Variants in RIPK3 observed in about 807,000 individuals in gnomAD.
The protein encoded by RIPK3 is receptor-interacting serine/threonine-protein kinase 3.
Under a neutral mutation model 51.6 loss-of-function variants are expected in RIPK3, and 51 were observed. The ratio of observed to expected loss-of-function variants is 0.99; its 90% CI spans 0.79 to 1.25. The LOEUF (loss-of-function observed/expected upper bound fraction) is 1.25. RIPK3 is among the 50% of genes most tolerant of loss of function. RIPK3 has a pLI of 0.00. For synonymous variants in RIPK3, 246 were observed against 257.7 expected (o/e 0.95, Z 0.44); for missense variants, 654 against 650.4 (o/e 1.01, Z -0.06).
At chr14:24,337,524 A>C in intron 7 of RIPK3, 64 bp from the exon 8 acceptor site, 1 of 1,611,166 alleles carries the variant, frequency 6.2e-7, no homozygotes, top group South Asian at 1.1e-5. Context: ...CCAAGGGAGT[A>C]GTCTCTCGGT....
At position 24,337,991 on chromosome 14, in the gene RIPK3, G is replaced by T. The variant is rs1349407128; in HGVS notation, c.714C>A (p.Asn238Lys). 6.2e-7 allele frequency: 1 copy of T among 1,614,238 alleles called. No individual in the cohort carries two copies. The part of the protein sequence containing the change: ...LVYEAVCNRQ[N>K]RPSLAELPQA... The stretch of plus-strand genomic sequence containing the variant: ...GGGGCAGCTCAGCCAATGAAGGCCG[G>T]TTCTGCCTGTTGCACACTGCTTCGT... Residue 238 changes from asparagine to lysine, a missense_variant, in exon 6 of 10, where the codon AAC (asparagine) becomes AAA (lysine). By Grantham distance (94) the Asn-to-Lys change is moderately conservative. Coordinates refer to ENST00000216274, the MANE Select transcript of RIPK3 (RefSeq NM_006871.4).
At chr14:24,336,644 C>G (rs1421770492) in intron 9 of RIPK3, 1 of 664,168 alleles carries the variant, frequency 1.5e-6, no homozygotes, top group Non-Finnish European at 2.5e-6. Context: ...ACTTAGGGGG[C>G]TCACAGAGCT....
Position 24,339,535 on chromosome 14 carries a change from C to T in RIPK3, c.83G>A (p.Gly28Asp), listed in dbSNP as rs1484846736. The T allele has an allele frequency of 1.2e-6, 2 of 1,614,232 alleles. No homozygotes were observed. Among genetic ancestry groups the T allele is most frequent in the Admixed American group, 1.7e-5 (1 of 60,034 alleles). Residue 28 changes from glycine to aspartate, a missense_variant, in exon 2 of 10, where the codon GGC becomes GAC. Gly to Asp is a moderately conservative substitution (Grantham distance 94). Coordinates refer to ENST00000216274, the MANE Select transcript of RIPK3 (RefSeq NM_006871.4). The surrounding 1 kb of genome is among the most constrained non-coding windows in gnomAD (Gnocchi z 4.0). ...IEELENQELV[G>D]KGGFGTVFRA... is the part of the protein sequence containing the mutation. ...GAACACTGTGCCGAACCCGCCTTTG[C>T]CGACGAGCTCCTGGTTCTCCAGTTC...
Position 24,339,978 on chromosome 14 carries a change from G to T in RIPK3, c.-152C>A. On this transcript the variant is annotated 5_prime_UTR_variant, in exon 1 of 10. Coordinates refer to ENST00000216274, the MANE Select transcript of RIPK3 (RefSeq NM_006871.4). The surrounding 1 kb of genome is among the most constrained non-coding windows in gnomAD (Gnocchi z 4.0). ...AGACGGTGAGTCTACTTTCCGGGTT[G>T]TTACCCTTTTTCCGAGTTGACTGAA... 1.3e-6 allele frequency: 1 copy of T among 779,082 alleles called. No homozygotes were observed. The highest frequency in any genetic ancestry group is 1.9e-6 in the Non-Finnish European group (1 of 517,964). The allele number at this position is 779,082 out of a possible 1,614,324, so 48.3% of individuals were successfully genotyped here. A position where few individuals can be genotyped will look rare whatever the true frequency, so the allele number is the denominator to read the frequency against.
chr14:24,336,832 G>A (rs1204713082), intron 9 of RIPK3, 53 bp downstream of exon 9: 1 of 1,456,026 alleles, frequency 6.9e-7, no homozygotes, highest in Admixed American at 1.7e-5. Context: ...GTCTGGAGGA[G>A]GAGTCTGGTG....
In RIPK3 at chr14:24,337,456, T is replaced by A; in HGVS notation, c.905A>T (p.Lys302Met). 6.2e-7 allele frequency: 1 copy of A among 1,612,736 alleles called. No homozygotes were observed. Among genetic ancestry groups the A allele is most frequent in the South Asian group, 1.1e-5 (1 of 91,066 alleles). ...GCTCCTGAGCTGAGACAGGAAATCC[T>A]TTACCTGCAGGGATGGGAGGAGTTT... is the stretch of plus-strand genomic sequence containing the variant. ...NNMNAAVSTV[K>M]DFLSQLRSSN... is the part of the protein sequence containing the mutation. The change falls in exon 8 of 10, where the codon AAG becomes ATG. Residue 302 changes from lysine (K) to methionine (M), a missense_variant. Lys to Met is a moderately conservative substitution (Grantham distance 95). Coordinates refer to ENST00000216274, the MANE Select transcript of RIPK3 (RefSeq NM_006871.4).
In RIPK3 at chr14:24,339,915, G is replaced by T. The variant is rs377744072; in HGVS notation, c.-89C>A. On this transcript the variant is annotated 5_prime_UTR_variant, in exon 1 of 10. Transcript: ENST00000216274. The surrounding 1 kb of genome is among the most constrained non-coding windows in gnomAD (Gnocchi z 4.0). ...GGGCTTGGTCCTTTCGCAGAGAGGG[G>T]AAGGGGTCTGTCTGTGCAGGGGTCA... 7.2e-7 allele frequency: 1 copy of T among 1,383,752 alleles called. No homozygotes were observed. Among genetic ancestry groups the T allele is most frequent in the Non-Finnish European group, 9.9e-7 (1 of 1,011,840 alleles). The allele number at this position is 1,383,752 out of a possible 1,614,324, so 85.7% of individuals were successfully genotyped here.
At chr14:24,337,568 C>G (rs1355300512) in intron 7 of RIPK3, 108 bp from the exon 8 acceptor site, 2 of 1,594,070 alleles carry the variant, frequency 1.3e-6, no homozygotes, top group Non-Finnish European at 8.6e-7. Flanking sequence ...CAGGGGTGGG[C>G]TGGGGACGGT....
In RIPK3 at chr14:24,339,577, G is replaced by T. The variant is rs761718122; in HGVS notation, c.41C>A (p.Pro14His). 1 of 1,614,136 alleles carries T rather than the reference G, an allele frequency of 6.2e-7. No individual in the cohort carries two copies. Among genetic ancestry groups the T allele is most frequent in the Non-Finnish European group, 8.5e-7 (1 of 1,180,004 alleles). ...CTCCAGTTCCTCGATGGACACCAAG[G>T]GGGCGGGGGCACCGCTGGGCCTGAG... ...VKLWPSGAPA[P>H]LVSIEELENQ... The change falls in exon 2 of 10, where the codon CCC becomes CAC. Residue 14 changes from proline to histidine, a missense_variant. Coordinates refer to ENST00000216274, the MANE Select transcript of RIPK3 (RefSeq NM_006871.4). The surrounding 1 kb of genome is among the most constrained non-coding windows in gnomAD (Gnocchi z 4.0).
chr14:24,336,054 G>T lies in RIPK3; in HGVS notation c.*121C>A. On this transcript the variant is annotated 3_prime_UTR_variant, in exon 10 of 10. Coordinates refer to ENST00000216274, the MANE Select transcript of RIPK3 (RefSeq NM_006871.4). ...ATTCCATCATGTTTATTGACTCCTG[G>T]GGGACAGGTCACAAAGTCAGTTTGT... 2 of 971,858 alleles carry T rather than the reference G, an allele frequency of 2.1e-6. No individual in the cohort carries two copies. The highest frequency in any genetic ancestry group is 2.6e-5 in the East Asian group (1 of 38,770). 60.2% of individuals were successfully genotyped at this position (971,858 alleles called of 1,614,324 possible).
chr14:24,336,169 G>C lies in RIPK3; in HGVS notation c.*6C>G, dbSNP rs1566445257. ...GTAACTCTTGGAGGCAAGCTTGGAA[G>C]GTGCTTTATTTCCCGCTATGATTAT... On this transcript the variant is annotated 3_prime_UTR_variant, in exon 10 of 10. Coordinates refer to ENST00000216274, the MANE Select transcript of RIPK3 (RefSeq NM_006871.4). The C allele has an allele frequency of 6.2e-7, 1 of 1,609,194 alleles. No homozygotes were observed. Among genetic ancestry groups the C allele is most frequent in the Admixed American group, 1.7e-5 (1 of 59,758 alleles).
Position 24,339,197 on chromosome 14 carries a change from T to C in RIPK3, c.289A>G (p.Met97Val). 6.2e-7 allele frequency: 1 copy of C among 1,614,246 alleles called. No homozygotes were observed. The highest frequency in any genetic ancestry group is 1.1e-5 in the South Asian group (1 of 91,088). ...AGCCCCGACAAGGAGCCGTTCTCCA[T>C]GAATTTAGTCACCAGAGCCGGCTTG... Reference protein sequence around the residue: ...DPKPALVTKFMENGSLSGLLQ... With the variant: ...DPKPALVTKFVENGSLSGLLQ... The change falls in exon 3 of 10, where the codon ATG becomes GTG. Residue 97 changes from methionine (M) to valine (V), a missense_variant. Coordinates refer to ENST00000216274, the MANE Select transcript of RIPK3 (RefSeq NM_006871.4). This position sits in a 1 kb window ranked among gnomAD's most constrained non-coding sequence, Gnocchi z 4.0.
Position 24,339,893 on chromosome 14 carries a change from C to G in RIPK3, c.-67G>C. 2 of 1,507,686 alleles carry G rather than the reference C, an allele frequency of 1.3e-6. No individual in the cohort carries two copies. Among genetic ancestry groups the G allele is most frequent in the Non-Finnish European group, 1.8e-6 (2 of 1,123,126 alleles). 93.4% of individuals were successfully genotyped at this position (1,507,686 alleles called of 1,614,324 possible). On this transcript the variant is annotated 5_prime_UTR_variant, in exon 1 of 10. Coordinates refer to ENST00000216274, the MANE Select transcript of RIPK3 (RefSeq NM_006871.4). The surrounding 1 kb of genome is among the most constrained non-coding windows in gnomAD (Gnocchi z 4.0). ...GTAGGAGATGGAGTGACTTCTGGGG[C>G]TTGGTCCTTTCGCAGAGAGGGGAAG... is the stretch of plus-strand genomic sequence containing the variant.
Position 24,339,895 on chromosome 14 carries a change from T to C in RIPK3, c.-69A>G. On this transcript the variant is annotated 5_prime_UTR_variant, in exon 1 of 10. Transcript: ENST00000216274. The surrounding 1 kb of genome is among the most constrained non-coding windows in gnomAD (Gnocchi z 4.0). The stretch of plus-strand genomic sequence containing the variant: ...AGGAGATGGAGTGACTTCTGGGGCT[T>C]GGTCCTTTCGCAGAGAGGGGAAGGG... The C allele has an allele frequency of 9.3e-6, 14 of 1,501,354 alleles. No homozygotes were observed. The highest frequency in any genetic ancestry group is 1.3e-5 in the Non-Finnish European group (14 of 1,117,662). 93.0% of individuals were successfully genotyped at this position (1,501,354 alleles called of 1,614,324 possible).
intron 4 of RIPK3, 60 bp from the exon 5 acceptor site, chr14:24,338,355 A>C (rs766321294): frequency 1.1e-5 from 17 of 1,557,768 alleles, no homozygotes; most frequent in Non-Finnish European, 1.3e-5. Flanking sequence ...TTTCCTATAC[A>C]TCATCCCCTG....
intron 5 of RIPK3, 36 bp downstream of exon 5, chr14:24,338,212 TG>T (rs2042155214): frequency 6.5e-7 from 1 of 1,533,976 alleles, no homozygotes; most frequent in Non-Finnish European, 8.8e-7. Flanking sequence ...GAAGGGCACC[TG>T]GGGTTAAGGA....
At position 24,339,960 on chromosome 14, in the gene RIPK3, G is replaced by A; in HGVS notation, c.-134C>T. 1.1e-6 allele frequency: 1 copy of A among 919,284 alleles called. No homozygotes were observed. Among genetic ancestry groups the A allele is most frequent in the Middle Eastern group, 2.3e-4 (1 of 4,344 alleles). The allele number at this position is 919,284 out of a possible 1,614,324, so 56.9% of individuals were successfully genotyped here. A position where few individuals can be genotyped will look rare whatever the true frequency, so the allele number is the denominator to read the frequency against. On this transcript the variant is annotated 5_prime_UTR_variant, in exon 1 of 10. Transcript: ENST00000216274. This position sits in a 1 kb window ranked among gnomAD's most constrained non-coding sequence, Gnocchi z 4.0. ...GGGTCAGTCTCTAGACCAAGACGGT[G>A]AGTCTACTTTCCGGGTTGTTACCCT...
At chr14:24,337,571 G>T (rs1472146628) in intron 7 of RIPK3, 111 bp from the exon 8 acceptor site, 2 of 1,589,932 alleles carry the variant, frequency 1.3e-6, no homozygotes, top group Non-Finnish European at 1.7e-6. Context: ...GGGTGGGCTG[G>T]GGACGGTGGG....
intron 9 of RIPK3, 27 bp from the exon 10 acceptor site, chr14:24,336,422 G>A: frequency 6.2e-7 from 1 of 1,604,844 alleles, no homozygotes; most frequent in South Asian, 1.1e-5. Flanking sequence ...GATGGTGGCA[G>A]GAGGGTTTAG....
Sources: gnomAD v4.1 joint callset for allele counts on GRCh38, gnomAD v4.1.1 for gene constraint, Gnocchi (gnomAD v3.1) non-coding constraint, MANE v1.5 for transcripts, NCBI Gene and HGNC (gene_info 2026-07-23, HGNC 2026-07-21) for gene names.